KPNA3: variants seen among roughly 807,000 people sequenced by gnomAD.
KPNA3 encodes the protein karyopherin subunit alpha 3, also known as importin subunit alpha-4.
A neutral mutation model predicts 73.8 loss-of-function variants in KPNA3; 13 were observed. The observed-to-expected ratio is 0.18, with a 90% confidence interval of 0.11 to 0.28. KPNA3 has a LOEUF of 0.28. Among genes scored for constraint, KPNA3 ranks in the 10% least tolerant of loss-of-function variants. The probability of loss-of-function intolerance (pLI) is 1.00; values close to 1 mark genes in which losing one functional copy is unlikely to be tolerated. For synonymous variants in KPNA3, 186 were observed against 206.9 expected (o/e 0.90, Z 0.87); for missense variants, 360 against 618.1 (o/e 0.58, Z 4.43).
chr13:49,767,434 GA>G (rs938024017), intron 1 of KPNA3, among the ~76,000 whole-genome samples: 15 of 149,660 alleles, frequency 1.0e-4, no homozygotes, highest in African/African-American at 2.9e-4. Flanking sequence ...AAAAAAAGAA[GA>G]AAAAAAGAAT....
At chr13:49,711,615 T>A (rs1954261172) in intron 10 of KPNA3, among the ~76,000 whole-genome samples, 2 of 152,344 alleles carry the variant, frequency 1.3e-5, no homozygotes, top group South Asian at 4.1e-4. Flanking sequence ...CCTAGGCCTA[T>A]CCTAACTTTG....
At chr13:49,722,148 A>T (rs762489152) in intron 8 of KPNA3, 24 bp from the exon 9 acceptor site, 38 of 1,456,946 alleles carry the variant, frequency 2.6e-5, no homozygotes, top group Admixed American at 9.2e-5. Flanking sequence ...AATTATATTT[A>T]AAAAAAACTT....
At chr13:49,758,777 C>T (rs1271711558) in intron 1 of KPNA3, among the ~76,000 whole-genome samples, 2 of 151,874 alleles carry the variant, frequency 1.3e-5, no homozygotes, top group Non-Finnish European at 2.9e-5. Context: ...TGTTTATATA[C>T]ATACACACAC....
chr13:49,705,830 T>C, intron 14 of KPNA3, 47 bp from the exon 15 acceptor site: 2 of 1,452,522 alleles, frequency 1.4e-6, no homozygotes, highest in African/African-American at 1.4e-5. Context: ...TAATTATCTA[T>C]TTCCCAGTAG....
In KPNA3 at chr13:49,745,166, T is replaced by C. The variant is rs1300374866; in HGVS notation, c.114+1783A>G. 2.6e-5 allele frequency among the ~76,000 whole-genome samples: 4 copies of C among 152,308 alleles called. No individual in the cohort carries two copies. In the South Asian group the frequency reaches 6.2e-4, roughly 24 times the overall value. On this transcript the variant is annotated intron_variant, in intron 2 of 16. Transcript: ENST00000261667. ...GAAGACCTTATGAATGTAGTTAAAA[T>C]GAGCTTCTGGCAATATTGTTGTAAA...
intron 1 of KPNA3, among the ~76,000 whole-genome samples, chr13:49,747,772 G>A (rs578087198): frequency 1.3e-5 from 2 of 152,306 alleles, no homozygotes; most frequent in South Asian, 2.1e-4. Context: ...TAGTTAAAAA[G>A]CCAAATTCTG....
chr13:49,778,513 C>A (rs1283704837), intron 1 of KPNA3, among the ~76,000 whole-genome samples: 1 of 152,164 alleles, frequency 6.6e-6, no homozygotes, highest in East Asian at 1.9e-4. Flanking sequence ...TAAGGACTTT[C>A]TTTTAACAAG....
intron 1 of KPNA3, among the ~76,000 whole-genome samples, chr13:49,769,916 T>G (rs1954839368): frequency 6.6e-6 from 1 of 152,240 alleles, no homozygotes; most frequent in Non-Finnish European, 1.5e-5. Flanking sequence ...ATTATTTGTT[T>G]GATTTTAGCC....
chr13:49,702,009 C>A, intron 16 of KPNA3, 111 bp from the exon 17 acceptor site: 1 of 673,132 alleles, frequency 1.5e-6, no homozygotes. Flanking sequence ...ATGCTTTAAC[C>A]AACTAAAAAT....
chr13:49,724,266 T>C (rs891490250), intron 7 of KPNA3, among the ~76,000 whole-genome samples: 1 of 152,206 alleles, frequency 6.6e-6, no homozygotes, highest in African/African-American at 2.4e-5. Flanking sequence ...TCATATCTCT[T>C]GGTTTCACCT....
chr13:49,702,690 G>A (rs1954158984), intron 15 of KPNA3, among the ~76,000 whole-genome samples: 1 of 152,054 alleles, frequency 6.6e-6, no homozygotes, highest in Admixed American at 6.6e-5. Flanking sequence ...CTTCTTAGAA[G>A]CCCTTGAGGT....
In KPNA3 at chr13:49,792,418, G is replaced by A; in HGVS notation, c.69+20C>T. 6.4e-7 allele frequency: 1 copy of A among 1,550,568 alleles called. No individual in the cohort carries two copies. The highest frequency in any genetic ancestry group is 8.7e-7 in the Non-Finnish European group (1 of 1,149,842). On this transcript the variant is annotated intron_variant, in intron 1 of 16. Transcript: ENST00000261667. ...GGGCCGGCGCGGCCAGGCGGGCCCA[G>A]ACCGCGGAAGCACACTCACTTCCAC...
At position 49,700,418 on chromosome 13, in the gene KPNA3, T is replaced by A. The variant is rs538052099; in HGVS notation, c.*1382A>T. Reference sequence around the variant, plus strand: ...CTGTGACAGCACAAATTATTTAGTTTAAAAATTTTTAAATCCATATTCTTT... The same window carrying A: ...CTGTGACAGCACAAATTATTTAGTTAAAAAATTTTTAAATCCATATTCTTT... On this transcript the variant is annotated 3_prime_UTR_variant, in exon 17 of 17. Transcript: ENST00000261667. The A allele has an allele frequency of 7.2e-5, 11 of 152,794 alleles. No homozygotes were observed. In the South Asian group the frequency reaches 1.7e-3, roughly 23 times the overall value. The allele number at this position is 152,794 out of a possible 1,614,324, so 9.5% of individuals were successfully genotyped here.
rs71078888 is a variant in KPNA3 at position 49,753,026 on chromosome 13, CAAAAAAAA to C, written c.70-6041_70-6034del. ...TGGGTGACAGAGCGAGACTCTGTCTCAAAAAAAAAAAAAAAAAAAAAAAAAAAGAAAAT... is the reference window on the plus strand; with the variant it reads ...TGGGTGACAGAGCGAGACTCTGTCTCAAAAAAAAAAAAAAAAAAAGAAAAT... On this transcript the variant is annotated intron_variant, in intron 1 of 16. Coordinates refer to ENST00000261667, the MANE Select transcript of KPNA3 (RefSeq NM_002267.4). Among the ~76,000 whole-genome samples the C allele has an allele frequency of 1.1e-3, 91 of 82,204 alleles. 1 individual carries two copies. The highest frequency in any genetic ancestry group is 4.3e-3 in the African/African-American group (86 of 20,088). 53.9% of individuals were successfully genotyped at this position (82,204 alleles called of 152,430 possible).
chr13:49,780,520 G>C (rs1954932831), intron 1 of KPNA3, among the ~76,000 whole-genome samples: 1 of 151,946 alleles, frequency 6.6e-6, no homozygotes, highest in South Asian at 2.1e-4. Flanking sequence ...GAGACCTTGA[G>C]GGTTTTCTGT....
chr13:49,733,873 A>G (rs1328790541), intron 2 of KPNA3, among the ~76,000 whole-genome samples: 1 of 152,216 alleles, frequency 6.6e-6, no homozygotes, highest in African/African-American at 2.4e-5. Flanking sequence ...ATGTTAGATC[A>G]TCTAGTCACC....
At chr13:49,788,257 C>T (rs1746977176) in intron 1 of KPNA3, among the ~76,000 whole-genome samples, 1 of 152,176 alleles carries the variant, frequency 6.6e-6, no homozygotes, top group Non-Finnish European at 1.5e-5. Flanking sequence ...TTGAGGTATA[C>T]AGCAGCAAGA....
intron 1 of KPNA3, among the ~76,000 whole-genome samples, chr13:49,769,592 C>G (rs1207834523): frequency 6.6e-6 from 1 of 152,222 alleles, no homozygotes; most frequent in East Asian, 1.9e-4. Flanking sequence ...TTCATCCATG[C>G]TGTAGCATGT....
chr13:49,713,634 AAC>A (rs66994650), intron 10 of KPNA3, among the ~76,000 whole-genome samples: 4,915 of 140,846 alleles, frequency 0.035, 91 homozygotes, highest in African/African-American at 0.057. Flanking sequence ...TCTTAGGTGA[AAC>A]ACACACACAC....
Sources: allele counts gnomAD v4.1 joint callset (sites outside exome capture counted in the v4.1 genomes callset), GRCh38; gene constraint gnomAD v4.1.1; transcripts MANE v1.5; gene names NCBI Gene and HGNC (gene_info 2026-07-23, HGNC 2026-07-21).